CYBRD1: variants seen among roughly 807,000 people sequenced by gnomAD.
CYBRD1 encodes cytochrome b reductase 1.
Under a neutral mutation model 21.9 loss-of-function variants are expected in CYBRD1, and 14 were observed. That is an observed-to-expected ratio of 0.64 (90% CI 0.42 to 1.00). The LOEUF is 1.00. Ranked by LOEUF, CYBRD1 falls within the 50% of genes least tolerant of loss-of-function variation. The pLI is 0.00. For missense variants in CYBRD1, 328 were observed against 352.5 expected (o/e 0.93, Z 0.56); for synonymous variants, 146 against 136.5 (o/e 1.07, Z -0.48).
chr2:171,537,241 T>G (rs1697558501), intron 1 of CYBRD1, among the ~76,000 whole-genome samples: 2 of 152,170 alleles, frequency 1.3e-5, no homozygotes, highest in Non-Finnish European at 2.9e-5. Flanking sequence ...TCTTCATATA[T>G]CGCACATTTT....
chr2:171,533,365 C>T (rs1227462322), intron 1 of CYBRD1, among the ~76,000 whole-genome samples: 1 of 152,188 alleles, frequency 6.6e-6, no homozygotes, highest in Admixed American at 6.5e-5. Flanking sequence ...GAGACTCTGT[C>T]TCAGAAAACA....
rs1252210520 is a variant in CYBRD1 at position 171,546,016 on chromosome 2, G to A, written c.402+4223G>A. On this transcript the variant is annotated intron_variant, in intron 2 of 3. Transcript: ENST00000321348. ...ATTTGTCTCAAAATTCTCTTTTGCT[G>A]TCTGAAATATCCAGATTCATATCTC... Among the ~76,000 whole-genome samples the A allele has an allele frequency of 2.6e-5, 4 of 152,248 alleles. No individual in the cohort carries two copies. In the East Asian group the frequency reaches 5.8e-4, roughly 22 times the overall value.
At chr2:171,541,521 G>A in intron 1 of CYBRD1, 64 bp from the exon 2 acceptor site, 4 of 1,510,190 alleles carry the variant, frequency 2.6e-6, no homozygotes, top group Non-Finnish European at 3.7e-6. Context: ...GTGTCAAACT[G>A]TTCATTTTGT....
In CYBRD1 at chr2:171,522,549, G is replaced by A. The variant is rs758079844; in HGVS notation, c.4G>A (p.Ala2Thr). M[A>T]MEGYWRFLAL... The stretch of plus-strand genomic sequence containing the variant: ...CGGTGCGGAGTATGGGGCGCTGATG[G>A]CCATGGAGGGCTACTGGCGCTTCCT... The change falls in exon 1 of 4, where the codon GCC (alanine) becomes ACC (threonine). Residue 2 changes from alanine (A) to threonine (T), a missense_variant. Physicochemically the swap from Ala to Thr is moderately conservative, Grantham distance 58. Coordinates refer to ENST00000321348, the MANE Select transcript of CYBRD1 (RefSeq NM_024843.4). The surrounding 1 kb of genome is among the most constrained non-coding windows in gnomAD (Gnocchi z 4.3). 3 of 1,599,888 alleles carry A rather than the reference G, an allele frequency of 1.9e-6. No homozygotes were observed. Among genetic ancestry groups the A allele is most frequent in the Admixed American group, 1.8e-5 (1 of 56,392 alleles).
At chr2:171,544,050 A>G (rs910536647) in intron 2 of CYBRD1, among the ~76,000 whole-genome samples, 7 of 152,210 alleles carry the variant, frequency 4.6e-5, no homozygotes, top group Non-Finnish European at 1.0e-4. Context: ...GAAGTTTATG[A>G]GTTCCCATAT....
At chr2:171,527,302 A>G (rs1407809928) in intron 1 of CYBRD1, among the ~76,000 whole-genome samples, 1 of 152,196 alleles carries the variant, frequency 6.6e-6, no homozygotes, top group Non-Finnish European at 1.5e-5. Flanking sequence ...TGCAACCAAT[A>G]AAAATGTTTT....
rs1683485683 is a variant in CYBRD1 at position 171,556,187 on chromosome 2, TA to T, written c.*1361del. ...TAGCTTTCAAGTTAATTAATTGCAA[TA>T]TTTTTTTCTTCAGGATTTTAGCTGC... On this transcript the variant is annotated 3_prime_UTR_variant, in exon 4 of 4. Transcript: ENST00000321348. 6.6e-6 allele frequency: 1 copy of T among 152,196 alleles called. No homozygotes were observed. The allele number at this position is 152,196 out of a possible 1,614,324, so 9.4% of individuals were successfully genotyped here. A position where few individuals can be genotyped will look rare whatever the true frequency, so the allele number is the denominator to read the frequency against.
intron 1 of CYBRD1, among the ~76,000 whole-genome samples, chr2:171,534,108 CTTTCTT>C (rs926791289): frequency 1.3e-5 from 2 of 152,196 alleles, no homozygotes; most frequent in Non-Finnish European, 2.9e-5. Context: ...CCCTCCCTTT[CTTTCTT>C]TTTAAGTTTG....
intron 1 of CYBRD1, among the ~76,000 whole-genome samples, chr2:171,533,836 C>T (rs1364207945): frequency 6.7e-6 from 1 of 148,178 alleles, no homozygotes; most frequent in Non-Finnish European, 1.5e-5. Flanking sequence ...CAGTGGCTCA[C>T]TGGGACTACA....
chr2:171,532,911 G>GTGTGTGTATA (rs1491316856), intron 1 of CYBRD1, among the ~76,000 whole-genome samples: 14 of 146,634 alleles, frequency 9.5e-5, no homozygotes, highest in African/African-American at 3.5e-4. Context: ...GTGTGTGTGT[G>GTGTGTGTATA]TATGGAAACA....
In CYBRD1 at chr2:171,555,631, C is replaced by T. The variant is rs558589721; in HGVS notation, c.*804C>T. 6.6e-6 allele frequency: 1 copy of T among 152,380 alleles called. No individual in the cohort carries two copies. The highest frequency in any genetic ancestry group is 2.1e-4 in the South Asian group (1 of 4,826). 9.4% of individuals were successfully genotyped at this position (152,380 alleles called of 1,614,324 possible). On this transcript the variant is annotated 3_prime_UTR_variant, in exon 4 of 4. Coordinates refer to ENST00000321348, the MANE Select transcript of CYBRD1 (RefSeq NM_024843.4). ...ACAAACCTCAGAGAGCACTTTTCCCCAAGTTCTTGTTTTTATTTTTGAAAG... is the reference window on the plus strand; with the variant it reads ...ACAAACCTCAGAGAGCACTTTTCCCTAAGTTCTTGTTTTTATTTTTGAAAG...
At chr2:171,527,042 T>C (rs1697395809) in intron 1 of CYBRD1, among the ~76,000 whole-genome samples, 1 of 152,164 alleles carries the variant, frequency 6.6e-6, no homozygotes, top group Non-Finnish European at 1.5e-5. Context: ...ATTCCAAGAT[T>C]ACTTAAATAG....
chr2:171,528,128 C>T lies in CYBRD1; in HGVS notation c.193+5390C>T, dbSNP rs562338621. Among the ~76,000 whole-genome samples, 13 of 152,076 alleles carry T rather than the reference C, an allele frequency of 8.5e-5. No individual in the cohort carries two copies. In the South Asian group the frequency reaches 2.7e-3, roughly 32 times the overall value. ...GAGATGGAGTTTTGCTCTTGTTGCC[C>T]AGGCTGGAGTGCAATGGTGTGATTT... On this transcript the variant is annotated intron_variant, in intron 1 of 3. Transcript: ENST00000321348.
chr2:171,532,588 C>A (rs995769457), intron 1 of CYBRD1, among the ~76,000 whole-genome samples: 3 of 151,692 alleles, frequency 2.0e-5, no homozygotes, highest in Non-Finnish European at 4.4e-5. Flanking sequence ...TCACTTGAGC[C>A]CAGGAGCTGG....
intron 1 of CYBRD1, among the ~76,000 whole-genome samples, chr2:171,527,344 C>A (rs777611158): frequency 6.6e-6 from 1 of 152,098 alleles, no homozygotes; most frequent in Non-Finnish European, 1.5e-5. Flanking sequence ...TGCTATATCC[C>A]CAGTACCTAG....
chr2:171,547,732 G>C (rs1037296519), intron 2 of CYBRD1, among the ~76,000 whole-genome samples: 6 of 152,112 alleles, frequency 3.9e-5, no homozygotes, highest in African/African-American at 1.4e-4. Context: ...TTCCCATGAG[G>C]TGATAGTAAA....
chr2:171,532,911 G>GTATATA (rs1553561150), intron 1 of CYBRD1, among the ~76,000 whole-genome samples: 1 of 146,518 alleles, frequency 6.8e-6, no homozygotes, highest in African/African-American at 2.5e-5. Flanking sequence ...GTGTGTGTGT[G>GTATATA]TATGGAAACA....
chr2:171,553,705 T>G (rs1328175307), intron 3 of CYBRD1, among the ~76,000 whole-genome samples: 1 of 152,222 alleles, frequency 6.6e-6, no homozygotes, highest in African/African-American at 2.4e-5. Flanking sequence ...TGTATTACTC[T>G]TATGAAACAA....
chr2:171,548,645 TAAAAAAA>T (rs57266656), intron 2 of CYBRD1, among the ~76,000 whole-genome samples: 1 of 89,970 alleles, frequency 1.1e-5, no homozygotes, highest in African/African-American at 4.5e-5. Flanking sequence ...ACCTGTACCC[TAAAAAAA>T]AAAAAAAAAA....
Sources: gnomAD v4.1 joint callset for allele counts (sites outside exome capture counted in the v4.1 genomes callset) on GRCh38, gnomAD v4.1.1 for gene constraint, Gnocchi (gnomAD v3.1) non-coding constraint, MANE v1.5 for transcripts, NCBI Gene and HGNC (gene_info 2026-07-23, HGNC 2026-07-21) for gene names.